MACROD2: variants seen among roughly 807,000 people sequenced by gnomAD.
MACROD2 encodes the protein mono-ADP ribosylhydrolase 2, also known as ADP-ribose glycohydrolase MACROD2.
Under a neutral mutation model 70.4 loss-of-function variants are expected in MACROD2, and 36 were observed. The observed-to-expected ratio is 0.51, with a 90% CI of 0.39 to 0.68. MACROD2 has a LOEUF of 0.68. Ranked by LOEUF, MACROD2 falls within the 30% of genes least tolerant of loss-of-function variation. MACROD2 has a pLI of 0.00. For synonymous variants in MACROD2, 172 were observed against 178.8 expected, an observed-to-expected ratio of 0.96 and a Z score of 0.30; for missense variants, 496 against 538.4, an observed-to-expected ratio of 0.92 and a Z score of 0.78.
intron 5 of MACROD2, among the ~76,000 whole-genome samples, chr20:14,985,723 G>A (rs1312850441): frequency 7.4e-6 from 1 of 135,108 alleles, no homozygotes; most frequent in African/African-American, 2.9e-5. Context: ...AATGAGTTTA[G>A]TTCTTTCTTA....
At chr20:15,056,425 ACTAAATG>A (rs1391877588) in intron 5 of MACROD2, among the ~76,000 whole-genome samples, 1 of 152,100 alleles carries the variant, frequency 6.6e-6, no homozygotes, top group Admixed American at 6.6e-5. Flanking sequence ...GAGTTTTTTG[ACTAAATG>A]CTTCATTTTC....
chr20:14,416,050 C>G (rs1203816620), intron 3 of MACROD2, among the ~76,000 whole-genome samples: 4 of 151,868 alleles, frequency 2.6e-5, no homozygotes, highest in African/African-American at 9.7e-5. Context: ...CCTCCGACTC[C>G]CTGCTTCAAG....
At chr20:14,086,408 G>C (rs2054077154) in intron 3 of MACROD2, among the ~76,000 whole-genome samples, 1 of 152,156 alleles carries the variant, frequency 6.6e-6, no homozygotes, top group Non-Finnish European at 1.5e-5. Flanking sequence ...ATTTTAATTT[G>C]TGTTTTGTAA....
At chr20:15,370,290 G>A (rs917438699) in intron 6 of MACROD2, among the ~76,000 whole-genome samples, 1 of 152,008 alleles carries the variant, frequency 6.6e-6, no homozygotes, top group Non-Finnish European at 1.5e-5. Context: ...TGCAAGAGAA[G>A]TAAAACTGGA....
chr20:15,346,771 C>A (rs1448680726), intron 6 of MACROD2, among the ~76,000 whole-genome samples: 2 of 152,184 alleles, frequency 1.3e-5, no homozygotes, highest in African/African-American at 2.4e-5. Flanking sequence ...TAGGTTAATT[C>A]TCTCCGTTTA....
intron 5 of MACROD2, among the ~76,000 whole-genome samples, chr20:15,170,785 G>A (rs1372945739): frequency 6.6e-6 from 1 of 152,254 alleles, no homozygotes; most frequent in East Asian, 1.9e-4. Context: ...GAAACTTTAG[G>A]GTTAGCAAAG....
At chr20:15,325,088 G>A (rs938081207) in intron 6 of MACROD2, among the ~76,000 whole-genome samples, 1 of 152,158 alleles carries the variant, frequency 6.6e-6, no homozygotes, top group South Asian at 2.1e-4. Flanking sequence ...AGACAGGGTA[G>A]AATGCTAACT....
intron 5 of MACROD2, among the ~76,000 whole-genome samples, chr20:15,144,733 C>T (rs1169583587): frequency 3.9e-5 from 6 of 152,012 alleles, no homozygotes; most frequent in African/African-American, 9.7e-5. Flanking sequence ...TTATGTCCAG[C>T]GGGGAAACAT....
At chr20:15,818,800 A>G (rs1313957353) in intron 8 of MACROD2, among the ~76,000 whole-genome samples, 2 of 152,162 alleles carry the variant, frequency 1.3e-5, no homozygotes, top group Admixed American at 6.6e-5. Flanking sequence ...AATAGATTCT[A>G]TCACAGCACT....
chr20:15,379,589 C>A (rs899546605), intron 6 of MACROD2, among the ~76,000 whole-genome samples: 3 of 152,120 alleles, frequency 2.0e-5, no homozygotes, highest in Admixed American at 1.3e-4. Flanking sequence ...ACTCTCACTT[C>A]TTTTCTCCCC....
intron 8 of MACROD2, among the ~76,000 whole-genome samples, chr20:15,853,727 C>G (rs1204436904): frequency 6.6e-6 from 1 of 152,104 alleles, no homozygotes; most frequent in African/African-American, 2.4e-5. Context: ...TCTCCTGAGC[C>G]TCCAGACAAG....
At chr20:14,816,866 A>C (rs1157611875) in intron 5 of MACROD2, among the ~76,000 whole-genome samples, 1 of 151,926 alleles carries the variant, frequency 6.6e-6, no homozygotes, top group Non-Finnish European at 1.5e-5. Flanking sequence ...GAGTTGTGTA[A>C]ACTGAAAAAA....
At chr20:14,469,887 C>T (rs562162677) in intron 3 of MACROD2, among the ~76,000 whole-genome samples, 12 of 151,980 alleles carry the variant, frequency 7.9e-5, no homozygotes, top group East Asian at 2.0e-4. Context: ...TTCTTTAGCT[C>T]GGAGGAGTTT....
At chr20:14,630,555 T>C (rs1984453114) in intron 4 of MACROD2, among the ~76,000 whole-genome samples, 1 of 152,218 alleles carries the variant, frequency 6.6e-6, no homozygotes, top group Non-Finnish European at 1.5e-5. Context: ...AAATTATATA[T>C]GCAGATTACT....
intron 3 of MACROD2, among the ~76,000 whole-genome samples, chr20:14,178,475 A>G (rs1353387628): frequency 1.3e-5 from 2 of 152,160 alleles, no homozygotes; most frequent in Non-Finnish European, 2.9e-5. Context: ...TATGAGAAAG[A>G]AGGAGATATT....
intron 5 of MACROD2, among the ~76,000 whole-genome samples, chr20:15,217,213 C>T (rs1456078078): frequency 1.3e-5 from 2 of 152,068 alleles, no homozygotes; most frequent in African/African-American, 2.4e-5. Context: ...GAAATATTGA[C>T]TAAATAGAGA....
intron 3 of MACROD2, among the ~76,000 whole-genome samples, chr20:14,394,527 T>C (rs1055557747): frequency 1.3e-5 from 2 of 152,210 alleles, no homozygotes; most frequent in Non-Finnish European, 2.9e-5. Context: ...TACATAGTTA[T>C]GTTTTACTTC....
chr20:15,904,968 T>C (rs1424908487), intron 10 of MACROD2, among the ~76,000 whole-genome samples: 1 of 151,558 alleles, frequency 6.6e-6, no homozygotes, highest in East Asian at 1.9e-4. Flanking sequence ...TGCAAGCTAA[T>C]GGAAAGACCC....
chr20:15,063,661 G>A (rs1253597347), intron 5 of MACROD2, among the ~76,000 whole-genome samples: 1 of 152,208 alleles, frequency 6.6e-6, no homozygotes, highest in Non-Finnish European at 1.5e-5. Context: ...GAGTGTGTGA[G>A]TGTTTAGCCA....
Sources: gnomAD v4.1 joint callset for allele counts (sites outside exome capture counted in the v4.1 genomes callset) on GRCh38, gnomAD v4.1.1 for gene constraint, MANE v1.5 for transcripts, NCBI Gene and HGNC (gene_info 2026-07-23, HGNC 2026-07-21) for gene names.